SRPK2: variants seen among roughly 807,000 people sequenced by gnomAD.
SRPK2 encodes the protein SFRS protein kinase 2.
In SRPK2, 21 loss-of-function variants were observed where a neutral mutation model predicts 90.8. The observed-to-expected ratio is 0.23, with a 90% CI of 0.16 to 0.33. SRPK2 has a LOEUF of 0.33. SRPK2 is among the 10% of genes least tolerant of loss of function. SRPK2 has a pLI of 1.00. For missense variants in SRPK2, 620 were observed against 869.0 expected (o/e 0.71, Z 3.60); for synonymous variants, 288 against 311.1 (o/e 0.93, Z 0.78).
At chr7:105,314,664 G>A (rs938963652) in intron 2 of SRPK2, among the ~76,000 whole-genome samples, 21 of 152,310 alleles carry the variant, frequency 1.4e-4, no homozygotes, top group African/African-American at 3.8e-4. Flanking sequence ...GATTGCAGGC[G>A]TTAGCCACCA....
intron 2 of SRPK2, among the ~76,000 whole-genome samples, chr7:105,351,230 CT>C (rs1427944420): frequency 3.3e-5 from 5 of 152,234 alleles, no homozygotes; most frequent in African/African-American, 1.2e-4. Flanking sequence ...TCTAGGCCAC[CT>C]TGGGACTCTG....
At chr7:105,248,891 A>G (rs1159947342) in intron 2 of SRPK2, among the ~76,000 whole-genome samples, 2 of 151,370 alleles carry the variant, frequency 1.3e-5, no homozygotes, top group Admixed American at 1.3e-4. Context: ...GTGCCACTGC[A>G]CTCCAGCCTG....
At chr7:105,196,945 G>A (rs1794988824) in intron 3 of SRPK2, among the ~76,000 whole-genome samples, 1 of 152,262 alleles carries the variant, frequency 6.6e-6, no homozygotes, top group Non-Finnish European at 1.5e-5. Flanking sequence ...AGCTACTCGG[G>A]AGGCTGAGGC....
At position 105,192,464 on chromosome 7, in the gene SRPK2, T is replaced by C. The variant is rs542233970; in HGVS notation, c.229+11164A>G. Among the ~76,000 whole-genome samples the C allele has an allele frequency of 3.9e-5, 6 of 152,364 alleles. No homozygotes were observed. The East Asian group carries it at 1.2e-3, about 29-fold the overall frequency. ...CTCATTTATTGAGGGACATTTGGGT[T>C]GGTTCCACATTTTTGCAATTGTGAA... On this transcript the variant is annotated intron_variant, in intron 3 of 15. Coordinates refer to ENST00000393651, the MANE Select transcript of SRPK2 (RefSeq NM_182692.3).
At chr7:105,302,930 C>A (rs541161357) in intron 2 of SRPK2, among the ~76,000 whole-genome samples, 1 of 151,808 alleles carries the variant, frequency 6.6e-6, no homozygotes, top group Non-Finnish European at 1.5e-5. Context: ...AAAAATTAGC[C>A]AGGCATGGTG....
rs765544583 is a variant in SRPK2, at chr7:105,159,448, C to CAAAAAAAAAAAAAAAAAAAAAAAA, written c.621+1035_621+1058dup. Among the ~76,000 whole-genome samples, 13 of 33,136 alleles carry CAAAAAAAAAAAAAAAAAAAAAAAA rather than the reference C, an allele frequency of 3.9e-4. 1 individual carries two copies. Among genetic ancestry groups the CAAAAAAAAAAAAAAAAAAAAAAAA allele is most frequent in the Non-Finnish European group, 5.0e-4 (8 of 15,908 alleles). 21.7% of individuals were successfully genotyped at this position (33,136 alleles called of 152,430 possible). A position where few individuals can be genotyped will look rare whatever the true frequency, so the allele number is the denominator to read the frequency against. ...GGGTGACAGAGCGAGACTCCGTCTC[C>CAAAAAAAAAAAAAAAAAAAAAAAA]AAAAAAAAAAAAAAAAAAAAAAAAA... On this transcript the variant is annotated intron_variant, in intron 7 of 15. Transcript: ENST00000393651.
intron 3 of SRPK2, among the ~76,000 whole-genome samples, chr7:105,176,621 G>GTGTATATATATA (rs148629862): frequency 5.4e-4 from 80 of 147,656 alleles, no homozygotes; most frequent in African/African-American, 1.5e-3. Flanking sequence ...ATACGTGTGT[G>GTGTATATATATA]TATATATATA....
chr7:105,373,501 C>G (rs1391410555), intron 2 of SRPK2, among the ~76,000 whole-genome samples: 1 of 148,976 alleles, frequency 6.7e-6, no homozygotes, highest in African/African-American at 2.5e-5. Flanking sequence ...CTCCCAGATT[C>G]AAGTGATTCT....
intron 2 of SRPK2, among the ~76,000 whole-genome samples, chr7:105,263,768 C>T (rs1325991779): frequency 6.6e-6 from 1 of 151,812 alleles, no homozygotes; most frequent in African/African-American, 2.4e-5. Flanking sequence ...CAAACAAAAA[C>T]ACTGAAAAAA....
chr7:105,206,944 C>T (rs1177134796), intron 2 of SRPK2, among the ~76,000 whole-genome samples: 1 of 152,170 alleles, frequency 6.6e-6, no homozygotes, highest in African/African-American at 2.4e-5. Context: ...CTTCTAATGA[C>T]CTACTTCATA....
intron 1 of SRPK2, among the ~76,000 whole-genome samples, chr7:105,395,000 C>T (rs1265788468): frequency 6.6e-6 from 1 of 151,992 alleles, no homozygotes; most frequent in East Asian, 1.9e-4. Context: ...AGGTGAAACC[C>T]CATCTCTACT....
rs1804687291 is a variant in SRPK2 at position 105,146,784 on chromosome 7, G to C, written c.622-126C>G. On this transcript the variant is annotated intron_variant, in intron 7 of 15. Transcript: ENST00000393651. ...TTTGATAAACACAAAAGGATATTTAGTAAAAATCTCCCTCCCATGCCTACC... is the reference window on the plus strand; with the variant it reads ...TTTGATAAACACAAAAGGATATTTACTAAAAATCTCCCTCCCATGCCTACC... 66 of 1,016,818 alleles carry C rather than the reference G, an allele frequency of 6.5e-5. 1 individual carries two copies. In the South Asian group the frequency reaches 9.5e-4, roughly 15 times the overall value. 63.0% of individuals were successfully genotyped at this position (1,016,818 alleles called of 1,614,324 possible).
intron 3 of SRPK2, among the ~76,000 whole-genome samples, chr7:105,178,185 T>G: frequency 6.6e-6 from 1 of 152,096 alleles, no homozygotes; most frequent in Non-Finnish European, 1.5e-5. Flanking sequence ...AAGCACAATT[T>G]AAATTACATT....
At chr7:105,339,798 C>T (rs933153006) in intron 2 of SRPK2, among the ~76,000 whole-genome samples, 1 of 152,192 alleles carries the variant, frequency 6.6e-6, no homozygotes, top group Non-Finnish European at 1.5e-5. Flanking sequence ...CGGTGGCTCA[C>T]GCCTGTAATC....
chr7:105,296,120 T>G (rs1297337855), intron 2 of SRPK2, among the ~76,000 whole-genome samples: 1 of 152,210 alleles, frequency 6.6e-6, no homozygotes, highest in East Asian at 1.9e-4. Flanking sequence ...GAATACTTTG[T>G]GCAATCTCAC....
At chr7:105,392,499 T>C (rs1189788148), upstream of SRPK2, among the ~76,000 whole-genome samples, 1 of 152,230 alleles carries the variant, frequency 6.6e-6, no homozygotes, top group Admixed American at 6.5e-5. Flanking sequence ...ACACTGGTTG[T>C]AGAACAGTGA....
At chr7:105,353,857 G>C (rs1585850815) in intron 2 of SRPK2, among the ~76,000 whole-genome samples, 1 of 152,098 alleles carries the variant, frequency 6.6e-6, no homozygotes, top group Admixed American at 6.6e-5. Flanking sequence ...GACATGCAGA[G>C]AGCCTTCCTA....
intron 11 of SRPK2, among the ~76,000 whole-genome samples, chr7:105,133,728 C>A (rs1244693706): frequency 6.6e-6 from 1 of 152,156 alleles, no homozygotes; most frequent in Non-Finnish European, 1.5e-5. Context: ...TTGTTTTAGA[C>A]AAGGAAGGTC....
At chr7:105,250,322 G>A (rs1475221079) in intron 2 of SRPK2, among the ~76,000 whole-genome samples, 3 of 151,618 alleles carry the variant, frequency 2.0e-5, no homozygotes, top group South Asian at 2.1e-4. Flanking sequence ...CCTGGGCAAC[G>A]GGAGCAAAAC....
Sources: allele counts gnomAD v4.1 joint callset (sites outside exome capture counted in the v4.1 genomes callset), GRCh38; gene constraint gnomAD v4.1.1; transcripts MANE v1.5; gene names NCBI Gene and HGNC (gene_info 2026-07-23, HGNC 2026-07-21).